RPAP3: variants seen among roughly 807,000 people sequenced by gnomAD.
RPAP3 encodes RNA polymerase II-associated protein 3.
RPAP3 carries 58 observed loss-of-function variants against 88.8 expected under a neutral mutation model. The observed-to-expected ratio is 0.65, with a 90% CI of 0.53 to 0.81. The LOEUF is 0.81. RPAP3 is among the 40% of genes least tolerant of loss of function. RPAP3 has a pLI of 0.00. For synonymous variants in RPAP3, 255 were observed against 259.9 expected, an observed-to-expected ratio of 0.98 and a Z score of 0.18; for missense variants, 751 against 764.3, an observed-to-expected ratio of 0.98 and a Z score of 0.20.
Position 47,702,679 on chromosome 12 carries a change from T to C in RPAP3, c.153+9A>G. 3.3e-6 allele frequency: 5 copies of C among 1,532,228 alleles called. No individual in the cohort carries two copies. Among genetic ancestry groups the C allele is most frequent in the South Asian group, 1.3e-5 (1 of 77,410 alleles). The allele number at this position is 1,532,228 out of a possible 1,614,324, so 94.9% of individuals were successfully genotyped here. A position where few individuals can be genotyped will look rare whatever the true frequency, so the allele number is the denominator to read the frequency against. On this transcript the variant is annotated intron_variant, in intron 2 of 16. Coordinates refer to ENST00000005386, the MANE Select transcript of RPAP3 (RefSeq NM_024604.3). ...TTTGGTGGATCTTAATTACGAATTC[T>C]TAATTTACCTCTTCAGGAACACCAT...
intron 12 of RPAP3, among the ~76,000 whole-genome samples, chr12:47,678,195 T>C (rs1405721955): frequency 6.6e-6 from 1 of 152,166 alleles, no homozygotes; most frequent in Non-Finnish European, 1.5e-5. Context: ...TGGCTAGCCA[T>C]ATGTAGAAAG....
chr12:47,692,820 T>A (rs1001040289), intron 5 of RPAP3, among the ~76,000 whole-genome samples: 1 of 152,212 alleles, frequency 6.6e-6, no homozygotes, highest in Non-Finnish European at 1.5e-5. Context: ...CAATTTAAAG[T>A]AAGAGATCTG....
At position 47,696,358 on chromosome 12, in the gene RPAP3, A is replaced by G. The variant is rs773848035; in HGVS notation, c.463T>C (p.Cys155Arg). 10 of 1,601,344 alleles carry G rather than the reference A, an allele frequency of 6.2e-6. No individual in the cohort carries two copies. Among genetic ancestry groups the G allele is most frequent in the Non-Finnish European group, 8.5e-6 (10 of 1,172,466 alleles). ...KQGKYDEAID[C>R]YTKGMDADPY... ...TCGGCATCCATGCCTTTTGTGTAGCAGTCAATTGCTTCATCATATTTTCCT... is the reference window on the plus strand; with the variant it reads ...TCGGCATCCATGCCTTTTGTGTAGCGGTCAATTGCTTCATCATATTTTCCT... The change falls in exon 5 of 17, where the codon TGC (cysteine) becomes CGC (arginine). Residue 155 changes from cysteine to arginine, a missense_variant. Physicochemically the swap from Cys to Arg is radical, Grantham distance 180. Transcript: ENST00000005386.
chr12:47,689,867 C>A (rs921765900), intron 6 of RPAP3, among the ~76,000 whole-genome samples: 1 of 151,944 alleles, frequency 6.6e-6, no homozygotes, highest in Admixed American at 6.5e-5. Context: ...ATGGCAAAAC[C>A]CTGTCTCTAC....
At chr12:47,691,679 G>A (rs979079575) in intron 5 of RPAP3, among the ~76,000 whole-genome samples, 3 of 152,152 alleles carry the variant, frequency 2.0e-5, no homozygotes, top group African/African-American at 7.2e-5. Flanking sequence ...TCATGTCCTT[G>A]TACATCTCCA....
intron 7 of RPAP3, among the ~76,000 whole-genome samples, chr12:47,688,573 T>C (rs1939369598): frequency 6.6e-6 from 1 of 152,226 alleles, no homozygotes; most frequent in African/African-American, 2.4e-5. Context: ...ATTGAATTTC[T>C]ATACGGGCCA....
chr12:47,701,000 G>A lies in RPAP3; in HGVS notation c.294+464C>T, dbSNP rs542876208. Among the ~76,000 whole-genome samples the A allele has an allele frequency of 1.2e-4, 18 of 152,282 alleles. No individual in the cohort carries two copies. The South Asian group carries it at 3.5e-3, about 30-fold the overall frequency. On this transcript the variant is annotated intron_variant, in intron 3 of 16. Transcript: ENST00000005386. ...AAGGGATGGCACAAAGGGAATCTTTGTGGTGGTGCCATATATCTGTATCTT... is the reference window on the plus strand; with the variant it reads ...AAGGGATGGCACAAAGGGAATCTTTATGGTGGTGCCATATATCTGTATCTT...
At chr12:47,701,032 G>A (rs990052157) in intron 3 of RPAP3, among the ~76,000 whole-genome samples, 5 of 152,022 alleles carry the variant, frequency 3.3e-5, no homozygotes, top group South Asian at 4.2e-4. Flanking sequence ...TCTTAATTGC[G>A]GCTGGGTTAT....
intron 1 of RPAP3, among the ~76,000 whole-genome samples, chr12:47,705,693 CA>C (rs202097812): frequency 0.06 from 9,172 of 152,220 alleles, 351 homozygotes; most frequent in Middle Eastern, 0.12. Flanking sequence ...CCGAGCACTG[CA>C]AAATCGCAGC....
At position 47,663,535 on chromosome 12, in the gene RPAP3, G is replaced by A. The variant is rs749904056; in HGVS notation, c.1968C>T (p.Val656=). 15 of 1,590,590 alleles carry A rather than the reference G, an allele frequency of 9.4e-6. No individual in the cohort carries two copies. The highest frequency in any genetic ancestry group is 1.7e-4 in the Middle Eastern group (1 of 6,040). The change falls in exon 17 of 17, where the codon GTC becomes GTT. Residue 656 remains valine, a synonymous_variant. Transcript: ENST00000005386. ...CACCGTATCTTTTCTTGAGTTCTTC[G>A]ACAGAACTATCCTTCAATCCTGACT... ...IDKSGLKDSS[V]EELKKRYGG
rs117429205 is a variant in RPAP3 at position 47,698,631 on chromosome 12, G to A, written c.295-912C>T. On this transcript the variant is annotated intron_variant, in intron 3 of 16. Transcript: ENST00000005386. The stretch of plus-strand genomic sequence containing the variant: ...CGGGCTCCAGCCATCTTCCCACCTC[G>A]CTCTCCCAAGTAACTGGGACTATAG... Among the ~76,000 whole-genome samples, 909 of 151,840 alleles carry A rather than the reference G, an allele frequency of 6.0e-3. 4 individuals carry two copies. Among genetic ancestry groups the A allele is most frequent in the Non-Finnish European group, 7.3e-3 (497 of 67,928 alleles).
chr12:47,681,881 C>T, intron 9 of RPAP3, 64 bp from the exon 10 acceptor site: 1 of 1,439,494 alleles, frequency 6.9e-7, no homozygotes, highest in East Asian at 2.5e-5. Flanking sequence ...GTCATATAAA[C>T]TAAGTTTCTA....
At chr12:47,704,375 G>GT (rs796974183) in intron 1 of RPAP3, among the ~76,000 whole-genome samples, 10 of 151,740 alleles carry the variant, frequency 6.6e-5, no homozygotes, top group African/African-American at 2.2e-4. Flanking sequence ...CAGAGTTTTT[G>GT]TTTTTTTTCT....
In RPAP3 at chr12:47,681,801, T is replaced by C; in HGVS notation, c.1009A>G (p.Lys337Glu). The C allele has an allele frequency of 6.2e-6, 10 of 1,606,478 alleles. No individual in the cohort carries two copies. Among genetic ancestry groups the C allele is most frequent in the Non-Finnish European group, 8.5e-6 (10 of 1,177,364 alleles). Residue 337 changes from lysine (K) to glutamate (E), a missense_variant, in exon 10 of 17, where the codon AAA becomes GAA. Physicochemically the swap from Lys to Glu is moderately conservative, Grantham distance 56. Transcript: ENST00000005386. ...AATAAAATGGCTTGTGTGCAGTCTT[T>C]TTCAGCTTCTTCATATCTATTGAAC... ...LKIQKYEEAE[K>E]DCTQAILLDG...
At chr12:47,671,291 TATTG>T (rs1305253658) in intron 12 of RPAP3, among the ~76,000 whole-genome samples, 6 of 152,144 alleles carry the variant, frequency 3.9e-5, no homozygotes, top group African/African-American at 1.2e-4. Flanking sequence ...AATTTGCAAA[TATTG>T]ATTAACAGTT....
At chr12:47,675,875 C>A (rs1194331468) in intron 12 of RPAP3, among the ~76,000 whole-genome samples, 1 of 152,202 alleles carries the variant, frequency 6.6e-6, no homozygotes, top group African/African-American at 2.4e-5. Flanking sequence ...GACCTGAACT[C>A]AGCTCTGCAA....
chr12:47,689,721 C>A (rs1468128212), intron 6 of RPAP3, among the ~76,000 whole-genome samples: 1 of 152,130 alleles, frequency 6.6e-6, no homozygotes, highest in East Asian at 1.9e-4. Context: ...AGGAAGGATA[C>A]CTGCTATCAT....
In RPAP3 at chr12:47,663,609, T is replaced by A. The variant is rs1938804638; in HGVS notation, c.1913-19A>T. The A allele has an allele frequency of 7.0e-7, 1 of 1,422,078 alleles. No homozygotes were observed. Among genetic ancestry groups the A allele is most frequent in the Non-Finnish European group, 9.6e-7 (1 of 1,042,930 alleles). 88.1% of individuals were successfully genotyped at this position (1,422,078 alleles called of 1,614,324 possible). On this transcript the variant is annotated intron_variant, in intron 16 of 16. Transcript: ENST00000005386. Reference sequence around the variant, plus strand: ...CGTGCAACTGAAAAAGAAAAAGAAATTCTCCATTTTAATCTCATTTTTTAA... The same window carrying A: ...CGTGCAACTGAAAAAGAAAAAGAAAATCTCCATTTTAATCTCATTTTTTAA...
chr12:47,670,236 G>A lies in RPAP3; in HGVS notation c.1397C>T (p.Ala466Val), dbSNP rs1406686922. The A allele has an allele frequency of 4.3e-6, 7 of 1,613,072 alleles. No homozygotes were observed. Among genetic ancestry groups the A allele is most frequent in the Non-Finnish European group, 1.7e-6 (2 of 1,179,238 alleles). The part of the protein sequence containing the change: ...AAPENNPINL[A>V]NVIAATGTTS... ...GGTGCCTGTGGCTGCTATTACATTT[G>A]CTAGATTAATAGGATTATTCTCTGG... The change falls in exon 13 of 17, where the codon GCA becomes GTA. Residue 466 changes from alanine to valine, a missense_variant. By Grantham distance (64) the Ala-to-Val change is moderately conservative (BLOSUM62 0). Transcript: ENST00000005386.
Sources: gnomAD v4.1 joint callset for allele counts (sites outside exome capture counted in the v4.1 genomes callset) on GRCh38, gnomAD v4.1.1 for gene constraint, MANE v1.5 for transcripts, NCBI Gene and HGNC (gene_info 2026-07-23, HGNC 2026-07-21) for gene names.